HAS2: variants seen among roughly 807,000 people sequenced by gnomAD.
The protein encoded by HAS2 is HA synthase 2.
A neutral mutation model predicts 51.6 loss-of-function variants in HAS2; 16 were observed. The observed-to-expected ratio is 0.31, with a 90% confidence interval of 0.21 to 0.47. The LOEUF is 0.47. HAS2 is among the 20% of genes least tolerant of loss of function. The probability of loss-of-function intolerance (pLI) is 1.00; values close to 1 mark genes in which losing one functional copy is unlikely to be tolerated. For missense variants in HAS2, 361 were observed against 662.6 expected (o/e 0.54, Z 5.00); for synonymous variants, 228 against 235.5 (o/e 0.97, Z 0.29).
At chr8:121,625,633 C>T (rs144027193) in intron 2 of HAS2, among the ~76,000 whole-genome samples, 2,140 of 150,536 alleles carry the variant, frequency 0.014, 138 homozygotes, top group Admixed American at 0.1. Context: ...CTCAGCCTTC[C>T]GAGTAGCTGG....
intron 1 of HAS2, among the ~76,000 whole-genome samples, chr8:121,634,953 A>C (rs1812990092): frequency 6.6e-6 from 1 of 152,166 alleles, no homozygotes; most frequent in South Asian, 2.1e-4. Flanking sequence ...TGGGGCATCA[A>C]CTTTTATCAT....
chr8:121,619,569 T>C (rs1463518761), intron 2 of HAS2, among the ~76,000 whole-genome samples: 2 of 152,162 alleles, frequency 1.3e-5, no homozygotes, highest in Non-Finnish European at 2.9e-5. Flanking sequence ...AGCTAGGCAT[T>C]CGCTTTTCAT....
Position 121,616,082 on chromosome 8 carries a change from C to T in HAS2, c.729+1023G>A, listed in dbSNP as rs80092015. ...AATTTTAAAGTCTATTTTCCATGTG[C>T]TTTCTTACCTTTTGCTAAAATCTAA... On this transcript the variant is annotated intron_variant, in intron 3 of 3. Coordinates refer to ENST00000303924, the MANE Select transcript of HAS2 (RefSeq NM_005328.3). Among the ~76,000 whole-genome samples the T allele has an allele frequency of 4.0e-3, 612 of 152,184 alleles. 4 individuals are homozygous for T. Among genetic ancestry groups the T allele is most frequent in the African/African-American group, 0.014 (589 of 41,518 alleles).
rs756409369 is a variant in HAS2 at position 121,629,003 on chromosome 8, C to T, written c.338G>A (p.Gly113Glu). The change falls in exon 2 of 4, where the codon GGG becomes GAG. Residue 113 changes from glycine (G) to glutamate (E), a missense_variant. Coordinates refer to ENST00000303924, the MANE Select transcript of HAS2 (RefSeq NM_005328.3). ...ATCTATGACCATGACAACTTTAATC[C>T]CAGGGTAGGTTAGCCTTTTCACAGA... ...LQSVKRLTYP[G>E]IKVVMVIDGN... 1 of 1,613,980 alleles carries T rather than the reference C, an allele frequency of 6.2e-7. No individual in the cohort carries two copies. Among genetic ancestry groups the T allele is most frequent in the Non-Finnish European group, 8.5e-7 (1 of 1,179,944 alleles).
chr8:121,622,161 C>CG (rs1586504670), intron 2 of HAS2, among the ~76,000 whole-genome samples: 3 of 151,998 alleles, frequency 2.0e-5, no homozygotes, highest in East Asian at 1.9e-4. Context: ...AATTCTGCAT[C>CG]ACCCCCCCAT....
chr8:121,615,767 C>G (rs1812693914), intron 3 of HAS2, among the ~76,000 whole-genome samples: 2 of 152,126 alleles, frequency 1.3e-5, no homozygotes. Context: ...CTATCCTTGG[C>G]TATTACTTTT....
At chr8:121,639,034 C>CAGAAGT (rs1244894431) in intron 1 of HAS2, among the ~76,000 whole-genome samples, 1 of 152,158 alleles carries the variant, frequency 6.6e-6, no homozygotes, top group Non-Finnish European at 1.5e-5. Flanking sequence ...TTAATACCGC[C>CAGAAGT]AGAAGTACTT....
intron 2 of HAS2, among the ~76,000 whole-genome samples, chr8:121,620,343 TA>T (rs2130436435): frequency 6.6e-6 from 1 of 152,300 alleles, no homozygotes; most frequent in South Asian, 2.1e-4. Context: ...CACTCATCGG[TA>T]ACAAGTATGC....
chr8:121,634,195 G>A lies in HAS2; in HGVS notation c.1-4855C>T, dbSNP rs538830887. The stretch of plus-strand genomic sequence containing the variant: ...TGACCTCAGGTGATCCACCCGCCTC[G>A]GCCTCCCAAAGTGCTGGGATTATAG... On this transcript the variant is annotated intron_variant, in intron 1 of 3. Transcript: ENST00000303924. 6.0e-4 allele frequency among the ~76,000 whole-genome samples: 91 copies of A among 152,026 alleles called. 1 individual carries two copies. Among genetic ancestry groups the A allele is most frequent in the African/African-American group, 2.0e-3 (84 of 41,472 alleles).
intron 1 of HAS2, among the ~76,000 whole-genome samples, chr8:121,634,692 G>A (rs1428119426): frequency 1.3e-5 from 2 of 151,476 alleles, no homozygotes; most frequent in African/African-American, 2.4e-5. Context: ...CTTTACTGCA[G>A]AGGCAATGAA....
Position 121,628,920 on chromosome 8 carries a change from C to T in HAS2, c.421G>A (p.Asp141Asn), listed in dbSNP as rs751755166. The change falls in exon 2 of 4, where the codon GAC becomes AAC. Residue 141 changes from aspartate (D) to asparagine (N), a missense_variant. By Grantham distance (23) the Asp-to-Asn change is conservative. This residue lies in a region of HAS2 where 145 missense variants were observed against 217.6 expected (regional missense o/e 0.67). Transcript: ENST00000303924. The part of the protein sequence containing the change: ...MDIFSEVMGR[D>N]KSATYIWKNN... Reference sequence around the variant, plus strand: ...TTCCAGATATAAGTGGCTGATTTGTCTCTGCCCATGACTTCACTGAAGATG... The same window carrying T: ...TTCCAGATATAAGTGGCTGATTTGTTTCTGCCCATGACTTCACTGAAGATG... The T allele has an allele frequency of 2.5e-6, 4 of 1,613,884 alleles. No individual in the cohort carries two copies. In the African/African-American group the frequency reaches 5.3e-5, roughly 22 times the overall value.
At chr8:121,617,813 A>G (rs764446914) in intron 2 of HAS2, among the ~76,000 whole-genome samples, 2 of 152,156 alleles carry the variant, frequency 1.3e-5, no homozygotes, top group East Asian at 3.9e-4. Context: ...GTATAGTTCT[A>G]AAGTCCATAT....
Position 121,618,624 on chromosome 8 carries a change from C to G in HAS2, c.628-1418G>C, listed in dbSNP as rs552286217. Reference sequence around the variant, plus strand: ...CATCTCCCTATCCCTCCAACATTTACTAATTGGACATATTATTTTCTGCTA... The same window carrying G: ...CATCTCCCTATCCCTCCAACATTTAGTAATTGGACATATTATTTTCTGCTA... On this transcript the variant is annotated intron_variant, in intron 2 of 3. Transcript: ENST00000303924. 4.8e-4 allele frequency among the ~76,000 whole-genome samples: 73 copies of G among 152,288 alleles called. 1 individual carries two copies. In the South Asian group the frequency reaches 0.015, roughly 31 times the overall value.
At chr8:121,637,206 A>G (rs946707236) in intron 1 of HAS2, among the ~76,000 whole-genome samples, 8 of 152,120 alleles carry the variant, frequency 5.3e-5, no homozygotes, top group African/African-American at 1.9e-4. Flanking sequence ...TCATTTTTTA[A>G]TTATCTGCAG....
chr8:121,621,492 A>G (rs1330389426), intron 2 of HAS2, among the ~76,000 whole-genome samples: 1 of 152,228 alleles, frequency 6.6e-6, no homozygotes, highest in Non-Finnish European at 1.5e-5. Context: ...AAGTATTTCC[A>G]TTAGTATAAG....
chr8:121,636,319 A>G, intron 1 of HAS2, among the ~76,000 whole-genome samples: 1 of 152,102 alleles, frequency 6.6e-6, no homozygotes, highest in Admixed American at 6.5e-5. Context: ...GTCTCCCCGC[A>G]GCAGTCTTCA....
intron 1 of HAS2, among the ~76,000 whole-genome samples, chr8:121,633,135 C>A (rs1370414002): frequency 7.2e-6 from 1 of 138,470 alleles, no homozygotes; most frequent in African/African-American, 2.7e-5. Flanking sequence ...TGTTTCCCTA[C>A]CTTTTTTTTT....
chr8:121,625,193 T>C (rs1448713970), intron 2 of HAS2, among the ~76,000 whole-genome samples: 1 of 151,130 alleles, frequency 6.6e-6, no homozygotes, highest in East Asian at 2.0e-4. Context: ...AATCCCAAAG[T>C]GTTCTAAAAA....
chr8:121,621,064 A>C (rs115285256), intron 2 of HAS2, among the ~76,000 whole-genome samples: 1 of 152,276 alleles, frequency 6.6e-6, no homozygotes, highest in African/African-American at 2.4e-5. Flanking sequence ...TACAACAGAG[A>C]CCATATAGCC....
Sources: gnomAD v4.1 joint callset for allele counts (sites outside exome capture counted in the v4.1 genomes callset) on GRCh38, gnomAD v4.1.1 for gene constraint, gnomAD v4.1.1 regional missense constraint, MANE v1.5 for transcripts, NCBI Gene and HGNC (gene_info 2026-07-23, HGNC 2026-07-21) for gene names.